The following TUBB6 variants were observed in gnomAD, a reference collection of about 807,000 sequenced individuals.
The protein encoded by TUBB6 is tubulin beta-6 chain.
A neutral mutation model predicts 32.3 loss-of-function variants in TUBB6; 18 were observed. The ratio of observed to expected loss-of-function variants is 0.56; its 90% CI spans 0.39 to 0.83. TUBB6 has a LOEUF of 0.83. Among genes scored for constraint, TUBB6 ranks in the 40% least tolerant of loss-of-function variants. TUBB6 has a pLI of 0.00. For missense variants in TUBB6, 480 were observed against 632.0 expected (o/e 0.76, Z 2.58); for synonymous variants, 280 against 265.8 (o/e 1.05, Z -0.52).
intron 2 of TUBB6, 58 bp from the exon 3 acceptor site, chr18:12,310,885 A>C: frequency 8.2e-7 from 1 of 1,226,334 alleles, no homozygotes; most frequent in East Asian, 2.4e-5. Flanking sequence ...GAAACGGGGA[A>C]GTCAATTACT....
At chr18:12,319,692 A>G (rs987604904) in intron 3 of TUBB6, among the ~76,000 whole-genome samples, 1 of 152,162 alleles carries the variant, frequency 6.6e-6, no homozygotes, top group Non-Finnish European at 1.5e-5. Context: ...AGGCGTTCAC[A>G]CCTGCCATCC....
rs1463838240 is a variant in TUBB6 at position 12,308,335 on chromosome 18, C to A, written c.43C>A (p.Gln15Lys). 1 of 1,479,934 alleles carries A rather than the reference C, an allele frequency of 6.8e-7. No individual in the cohort carries two copies. Among genetic ancestry groups the A allele is most frequent in the South Asian group, 1.3e-5 (1 of 78,106 alleles). The allele number at this position is 1,479,934 out of a possible 1,614,324, so 91.7% of individuals were successfully genotyped here. A position where few individuals can be genotyped will look rare whatever the true frequency, so the allele number is the denominator to read the frequency against. Residue 15 changes from glutamine (Q) to lysine (K), a missense_variant, in exon 1 of 4, where the codon CAG (glutamine) becomes AAG (lysine). Coordinates refer to ENST00000317702, the MANE Select transcript of TUBB6 (RefSeq NM_032525.3). Reference sequence around the variant, plus strand: ...CATCCAGGCGGGCCAGTGCGGGAACCAGATCGGCACCAAGGTGGGCCTGGC... The same window carrying A: ...CATCCAGGCGGGCCAGTGCGGGAACAAGATCGGCACCAAGGTGGGCCTGGC... ...VHIQAGQCGNQIGTKFWEVIS... is the reference protein window; with the variant it reads ...VHIQAGQCGNKIGTKFWEVIS...
intron 3 of TUBB6, among the ~76,000 whole-genome samples, chr18:12,321,500 A>T (rs1906985448): frequency 6.6e-6 from 1 of 152,208 alleles, no homozygotes; most frequent in African/African-American, 2.4e-5. Flanking sequence ...CAGCTTGCTT[A>T]CCCGATGTAG....
chr18:12,314,048 G>A (rs1906536153), intron 3 of TUBB6, among the ~76,000 whole-genome samples: 1 of 152,202 alleles, frequency 6.6e-6, no homozygotes, highest in Non-Finnish European at 1.5e-5. Flanking sequence ...CACTTACTAA[G>A]TAGGTATAGA....
chr18:12,314,037 T>G (rs1189517183), intron 3 of TUBB6, among the ~76,000 whole-genome samples: 1 of 152,186 alleles, frequency 6.6e-6, no homozygotes, highest in Non-Finnish European at 1.5e-5. Flanking sequence ...ATTGAGTAAC[T>G]CACTTACTAA....
At chr18:12,314,057 G>C (rs1218912829) in intron 3 of TUBB6, among the ~76,000 whole-genome samples, 1 of 152,208 alleles carries the variant, frequency 6.6e-6, no homozygotes, top group Non-Finnish European at 1.5e-5. Flanking sequence ...AGTAGGTATA[G>C]ACTCAGCAGC....
At chr18:12,318,876 C>A (rs1361611026) in intron 3 of TUBB6, among the ~76,000 whole-genome samples, 1 of 152,008 alleles carries the variant, frequency 6.6e-6, no homozygotes, top group Non-Finnish European at 1.5e-5. Context: ...TCCCACTTCA[C>A]CCTCCTGTGC....
At chr18:12,308,906 A>T (rs1906184024) in intron 2 of TUBB6, 111 bp downstream of exon 2, 1 of 719,454 alleles carries the variant, frequency 1.4e-6, no homozygotes, top group African/African-American at 1.8e-5. Context: ...GGGGTGTAGC[A>T]GGATGCCCGG....
rs375965126 is a variant in TUBB6 at position 12,325,900 on chromosome 18, A to G, written c.1111A>G (p.Ser371Gly). 30 of 1,613,988 alleles carry G rather than the reference A, an allele frequency of 1.9e-5. No homozygotes were observed. The highest frequency in any genetic ancestry group is 5.3e-5 in the African/African-American group (4 of 74,946). ...GATGGCCTCCACCTTCATCGGCAAC[A>G]GCACGGCCATCCAGGAGCTGTTCAA... ...LKMASTFIGNSTAIQELFKRI... is the reference protein window; with the variant it reads ...LKMASTFIGNGTAIQELFKRI... The change falls in exon 4 of 4, where the codon AGC (serine) becomes GGC (glycine). Residue 371 changes from serine to glycine, a missense_variant. Transcript: ENST00000317702.
chr18:12,308,355 C>T lies in TUBB6; in HGVS notation c.57+6C>T. The T allele has an allele frequency of 1.4e-6, 2 of 1,468,034 alleles. No individual in the cohort carries two copies. The highest frequency in any genetic ancestry group is 1.8e-6 in the Non-Finnish European group (2 of 1,105,158). The allele number at this position is 1,468,034 out of a possible 1,614,324, so 90.9% of individuals were successfully genotyped here. A position where few individuals can be genotyped will look rare whatever the true frequency, so the allele number is the denominator to read the frequency against. On this transcript the variant is annotated splice_donor_region_variant and intron_variant, in intron 1 of 3. Coordinates refer to ENST00000317702, the MANE Select transcript of TUBB6 (RefSeq NM_032525.3). The stretch of plus-strand genomic sequence containing the variant: ...GGAACCAGATCGGCACCAAGGTGGG[C>T]CTGGCGCGGTGCAGGGCCTCTCCGC...
intron 3 of TUBB6, among the ~76,000 whole-genome samples, chr18:12,315,510 A>T (rs1208875910): frequency 2.0e-5 from 3 of 152,230 alleles, no homozygotes; most frequent in Admixed American, 6.5e-5. Context: ...GAAACGTAGC[A>T]ACTGAATGCT....
chr18:12,310,263 G>A (rs1906294991), intron 2 of TUBB6, among the ~76,000 whole-genome samples: 2 of 151,994 alleles, frequency 1.3e-5, no homozygotes, highest in Admixed American at 1.3e-4. Flanking sequence ...GCCGAGGTGG[G>A]CAGATCACAA....
chr18:12,328,093 C>T (rs1395740299), downstream of TUBB6, among the ~76,000 whole-genome samples: 1 of 152,192 alleles, frequency 6.6e-6, no homozygotes, highest in Non-Finnish European at 1.5e-5. Context: ...CAGCAGGGGG[C>T]GCCTGTTCTC....
intron 1 of TUBB6, 75 bp downstream of exon 1, chr18:12,308,424 G>A: frequency 2.6e-6 from 3 of 1,156,768 alleles, no homozygotes; most frequent in Non-Finnish European, 3.3e-6. Context: ...CGCGACCCCC[G>A]CCGGGGCGCG....
At position 12,308,671 on chromosome 18, in the gene TUBB6, C is replaced by A; in HGVS notation, c.58-16C>A. The A allele has an allele frequency of 6.4e-7, 1 of 1,572,754 alleles. No individual in the cohort carries two copies. The highest frequency in any genetic ancestry group is 8.7e-7 in the Non-Finnish European group (1 of 1,143,332). ...TGGGTTCTGAGCGTCTGTCCCCCCG[C>A]CTTGCCCTGCCCAAGTTTTGGGAAG... On this transcript the variant is annotated splice_polypyrimidine_tract_variant and intron_variant, in intron 1 of 3. Coordinates refer to ENST00000317702, the MANE Select transcript of TUBB6 (RefSeq NM_032525.3).
rs1422474040 is a variant in TUBB6, at chr18:12,325,227, C to T, written c.438C>T (p.Gly146=). The T allele has an allele frequency of 6.2e-7, 1 of 1,614,072 alleles. No homozygotes were observed. The highest frequency in any genetic ancestry group is 8.5e-7 in the Non-Finnish European group (1 of 1,180,040). The change falls in exon 4 of 4, where the codon GGC becomes GGT. Residue 146 remains glycine (G), a synonymous_variant. Coordinates refer to ENST00000317702, the MANE Select transcript of TUBB6 (RefSeq NM_032525.3). ...THSLGGGTGS[G]MGTLLISKIR... is the part of the protein sequence containing the mutation. ...CGCTGGGCGGCGGCACGGGCTCAGGCATGGGCACGCTGCTCATCAGCAAGA... is the reference window on the plus strand; with the variant it reads ...CGCTGGGCGGCGGCACGGGCTCAGGTATGGGCACGCTGCTCATCAGCAAGA...
At chr18:12,308,829 G>A (rs759214818) in intron 2 of TUBB6, 34 bp downstream of exon 2, 12 of 1,431,304 alleles carry the variant, frequency 8.4e-6, no homozygotes, top group Non-Finnish European at 1.2e-5. Flanking sequence ...CTGCCCGGCC[G>A]GGACCCGCGT....
intron 3 of TUBB6, among the ~76,000 whole-genome samples, chr18:12,321,602 C>G (rs1906991924): frequency 6.6e-6 from 1 of 152,124 alleles, no homozygotes; most frequent in African/African-American, 2.4e-5. Context: ...ATGGACCTGC[C>G]CACGTGAAAC....
intron 3 of TUBB6, among the ~76,000 whole-genome samples, chr18:12,319,979 G>A (rs968188081): frequency 2.6e-5 from 4 of 152,032 alleles, no homozygotes; most frequent in Admixed American, 1.3e-4. Context: ...TGGTAGAGAC[G>A]GGGTTTCACC....
Sources: gnomAD v4.1 joint callset for allele counts (sites outside exome capture counted in the v4.1 genomes callset) on GRCh38, gnomAD v4.1.1 for gene constraint, MANE v1.5 for transcripts, NCBI Gene and HGNC (gene_info 2026-07-23, HGNC 2026-07-21) for gene names.